Variants in SLC35F1 observed in about 807,000 individuals in gnomAD.
SLC35F1 encodes chromosome 6 open reading frame 169.
In SLC35F1, 14 loss-of-function variants were observed where a neutral mutation model predicts 48.7. That is an observed-to-expected ratio of 0.29 (90% CI 0.19 to 0.45). The LOEUF (loss-of-function observed/expected upper bound fraction) is 0.45, where lower values mean the gene tolerates loss of function less well. SLC35F1 is among the 20% of genes least tolerant of loss of function. The pLI, the probability that SLC35F1 is intolerant of heterozygous loss-of-function variation, is 1.00. For synonymous variants in SLC35F1, 190 were observed against 202.2 expected, an observed-to-expected ratio of 0.94 and a Z score of 0.51; for missense variants, 404 against 500.0, an observed-to-expected ratio of 0.81 and a Z score of 1.83.
At chr6:118,021,594 G>A (rs1399635945) in intron 1 of SLC35F1, among the ~76,000 whole-genome samples, 3 of 152,144 alleles carry the variant, frequency 2.0e-5, no homozygotes, top group Non-Finnish European at 4.4e-5. Flanking sequence ...TACTTGCTAA[G>A]GATGGTTAGT....
chr6:118,271,204 T>C (rs896904783), intron 4 of SLC35F1, among the ~76,000 whole-genome samples: 2 of 152,190 alleles, frequency 1.3e-5, no homozygotes, highest in African/African-American at 2.4e-5. Flanking sequence ...GAATTTTTAT[T>C]GTCATTCTTG....
intron 6 of SLC35F1, 33 bp downstream of exon 6, chr6:118,277,579 T>A: frequency 6.3e-7 from 1 of 1,597,720 alleles, no homozygotes; most frequent in Non-Finnish European, 8.6e-7. Context: ...ATGCTCTTTT[T>A]ATAACCTGAG....
chr6:118,289,800 T>A (rs1258105140), intron 7 of SLC35F1, among the ~76,000 whole-genome samples: 3 of 152,170 alleles, frequency 2.0e-5, no homozygotes, highest in African/African-American at 7.2e-5. Flanking sequence ...GGGAGCAGGT[T>A]TTTTAAAAGC....
At chr6:118,239,443 G>T (rs2114589005) in intron 3 of SLC35F1, among the ~76,000 whole-genome samples, 1 of 151,856 alleles carries the variant, frequency 6.6e-6, no homozygotes, top group Admixed American at 6.6e-5. Flanking sequence ...ATGTATTAAT[G>T]GACCTAAGGG....
At chr6:118,069,808 C>A (rs11751321) in intron 1 of SLC35F1, among the ~76,000 whole-genome samples, 27,904 of 152,186 alleles carry the variant, frequency 0.18, 2,879 homozygotes, top group Middle Eastern at 0.27. Flanking sequence ...TCCCAGTACA[C>A]AGCTACTTAC....
intron 1 of SLC35F1, among the ~76,000 whole-genome samples, chr6:118,066,740 CTTTTT>C (rs778659612): frequency 1.6e-5 from 2 of 125,146 alleles, no homozygotes; most frequent in Admixed American, 8.3e-5. Context: ...GGCAGTAGTT[CTTTTT>C]TTTTTTTTTT....
At chr6:118,045,815 C>T (rs986209658) in intron 1 of SLC35F1, among the ~76,000 whole-genome samples, 3 of 152,202 alleles carry the variant, frequency 2.0e-5, no homozygotes, top group African/African-American at 7.2e-5. Flanking sequence ...GGTATTCTCA[C>T]ATGCTTTGGA....
At chr6:117,928,443 A>G (rs772482692) in intron 1 of SLC35F1, among the ~76,000 whole-genome samples, 40 of 152,304 alleles carry the variant, frequency 2.6e-4, no homozygotes, top group Non-Finnish European at 4.7e-4. Context: ...TGCATTGCTT[A>G]AAAACAAACA....
At chr6:118,137,610 C>T (rs1446629805) in intron 1 of SLC35F1, among the ~76,000 whole-genome samples, 1 of 152,174 alleles carries the variant, frequency 6.6e-6, no homozygotes, top group African/African-American at 2.4e-5. Context: ...GCATATTTCC[C>T]AAACCTGCAC....
intron 2 of SLC35F1, among the ~76,000 whole-genome samples, chr6:118,162,984 G>T (rs1437961734): frequency 6.6e-6 from 1 of 150,932 alleles, no homozygotes; most frequent in South Asian, 2.1e-4. Context: ...TTGAGGCGGG[G>T]TCTCACTCTG....
At chr6:118,044,487 C>A (rs539559264) in intron 1 of SLC35F1, among the ~76,000 whole-genome samples, 4 of 152,218 alleles carry the variant, frequency 2.6e-5, no homozygotes, top group Non-Finnish European at 5.9e-5. Context: ...GAGGGTGTTT[C>A]CTGAAGTATG....
At chr6:118,126,918 C>T (rs547098899) in intron 1 of SLC35F1, among the ~76,000 whole-genome samples, 1,984 of 152,218 alleles carry the variant, frequency 0.013, 36 homozygotes, top group African/African-American at 0.044. Context: ...ACAATCATGT[C>T]GTCTGCAAAC....
chr6:117,951,050 A>G (rs1458723415), intron 1 of SLC35F1, among the ~76,000 whole-genome samples: 1 of 152,222 alleles, frequency 6.6e-6, no homozygotes, highest in Non-Finnish European at 1.5e-5. Context: ...TAGATGTTCT[A>G]TTCTTAGGCT....
chr6:118,086,707 T>A (rs774949103), intron 1 of SLC35F1, among the ~76,000 whole-genome samples: 14 of 152,216 alleles, frequency 9.2e-5, no homozygotes, highest in South Asian at 4.1e-4. Flanking sequence ...AAGCCTTGGT[T>A]CACCGTGGTC....
At chr6:118,299,304 C>T (rs1462557903) in intron 7 of SLC35F1, among the ~76,000 whole-genome samples, 1 of 152,048 alleles carries the variant, frequency 6.6e-6, no homozygotes, top group Non-Finnish European at 1.5e-5. Context: ...AAAATGTAAA[C>T]GTTTCCAAGG....
intron 1 of SLC35F1, among the ~76,000 whole-genome samples, chr6:117,920,210 C>T (rs1775879683): frequency 6.6e-6 from 1 of 151,664 alleles, no homozygotes; most frequent in African/African-American, 2.4e-5. Context: ...CGCGGGTGGA[C>T]GGGGAGGGCG....
At chr6:118,283,658 T>G (rs1214399398) in intron 6 of SLC35F1, among the ~76,000 whole-genome samples, 1 of 152,204 alleles carries the variant, frequency 6.6e-6, no homozygotes, top group African/African-American at 2.4e-5. Flanking sequence ...GTGGATTAAT[T>G]TGAGGATTGA....
intron 1 of SLC35F1, among the ~76,000 whole-genome samples, chr6:118,141,828 C>T (rs566524013): frequency 6.6e-6 from 1 of 152,314 alleles, no homozygotes; most frequent in East Asian, 1.9e-4. Flanking sequence ...TAAATGACTG[C>T]TTTCCCTACC....
At chr6:118,207,909 A>G (rs942680542) in intron 2 of SLC35F1, among the ~76,000 whole-genome samples, 2 of 152,244 alleles carry the variant, frequency 1.3e-5, no homozygotes, top group African/African-American at 2.4e-5. Context: ...TCCAGTTAAG[A>G]TTAAAAGATA....
Sources: gnomAD v4.1 joint callset for allele counts (sites outside exome capture counted in the v4.1 genomes callset) on GRCh38, gnomAD v4.1.1 for gene constraint, MANE v1.5 for transcripts, NCBI Gene and HGNC (gene_info 2026-07-23, HGNC 2026-07-21) for gene names.